The following MYLK variants were observed in gnomAD, a reference collection of about 807,000 sequenced individuals.
MYLK encodes myosin light chain kinase, also known as myosin light chain kinase, smooth muscle.
A neutral mutation model predicts 203.4 loss-of-function variants in MYLK; 106 were observed. The ratio of observed to expected loss-of-function variants is 0.52; its 90% CI spans 0.45 to 0.61. The LOEUF is 0.61. Ranked by LOEUF, MYLK falls within the 20% of genes least tolerant of loss-of-function variation. The probability of loss-of-function intolerance (pLI) is 0.00; values close to 1 mark genes in which losing one functional copy is unlikely to be tolerated. For synonymous variants in MYLK, 867 were observed against 959.5 expected (o/e 0.90, Z 1.78); for missense variants, 2,072 against 2,442.3 (o/e 0.85, Z 3.20).
Position 123,700,998 on chromosome 3 carries a change from C to A in MYLK, c.2470G>T (p.Glu824Ter). 4.4e-6 allele frequency: 7 copies of A among 1,604,396 alleles called. No individual in the cohort carries two copies. The highest frequency in any genetic ancestry group is 5.9e-6 in the Non-Finnish European group (7 of 1,179,938). ...CAGAGGTCCTCGCAGCTGGCAGGCTCCCTCCCCCTGCAACCAGTGTAGGGA... is the reference window on the plus strand; with the variant it reads ...CAGAGGTCCTCGCAGCTGGCAGGCTACCTCCCCCTGCAACCAGTGTAGGGA... Reference protein sequence around the residue: ...SSARALPRGREPASCEDLCGG... With the variant: ...SSARALPRGR Residue 824 changes from glutamate (E) to a stop codon, truncating the protein, a stop_gained, in exon 18 of 34, where the codon GAG (glutamate) becomes TAG (stop). Coordinates refer to ENST00000360304, the MANE Select transcript of MYLK (RefSeq NM_053025.4). LOFTEE classifies it high-confidence loss of function.
At chr3:123,770,362 T>G (rs529510006) in intron 4 of MYLK, among the ~76,000 whole-genome samples, 6 of 152,202 alleles carry the variant, frequency 3.9e-5, no homozygotes, top group African/African-American at 1.4e-4. Context: ...CAAGATATAT[T>G]AGGAGAGAAT....
chr3:123,617,771 C>A (rs1280867461), intron 33 of MYLK: 1 of 152,204 alleles, frequency 6.6e-6, no homozygotes, highest in Non-Finnish European at 1.5e-5. Flanking sequence ...CTTATCTTGT[C>A]CCTTCTCTTT....
intron 20 of MYLK, among the ~76,000 whole-genome samples, chr3:123,675,841 G>T (rs1209690104): frequency 6.6e-6 from 1 of 152,080 alleles, no homozygotes; most frequent in Non-Finnish European, 1.5e-5. Context: ...ACTGGCCCTG[G>T]GTGACCTGAC....
rs930347384 is a variant in MYLK, at chr3:123,778,645, G to A, written c.165+15032C>T. Among the ~76,000 whole-genome samples, 9 of 152,178 alleles carry A rather than the reference G, an allele frequency of 5.9e-5. No individual in the cohort carries two copies. The East Asian group carries it at 9.7e-4, about 16-fold the overall frequency. On this transcript the variant is annotated intron_variant, in intron 4 of 33. Coordinates refer to ENST00000360304, the MANE Select transcript of MYLK (RefSeq NM_053025.4). ...CCTCAGAAGTAAAATCAGGCAAGAC[G>A]CAGAAGCCCAGTCACCCCTTCCTCC...
intron 5 of MYLK, among the ~76,000 whole-genome samples, chr3:123,749,441 G>C (rs368434904): frequency 1.3e-5 from 2 of 152,186 alleles, no homozygotes; most frequent in East Asian, 3.8e-4. Flanking sequence ...GCAAGTGTCA[G>C]AGCTGTCTTC....
chr3:123,632,962 A>C (rs1222580925), intron 29 of MYLK, among the ~76,000 whole-genome samples: 3 of 151,370 alleles, frequency 2.0e-5, no homozygotes, highest in African/African-American at 7.3e-5. Context: ...CACCTGGCTA[A>C]TTTTTTGTAT....
chr3:123,623,036 G>A (rs2057955307), intron 31 of MYLK: 1 of 152,236 alleles, frequency 6.6e-6, no homozygotes, highest in Admixed American at 6.5e-5. Context: ...CAGCCATCCT[G>A]GCTTGCCCAG....
At chr3:123,637,952 G>A (rs573560865) in intron 29 of MYLK, 119 bp downstream of exon 29, 4 of 1,478,792 alleles carry the variant, frequency 2.7e-6, no homozygotes, top group Admixed American at 1.8e-5. Flanking sequence ...CTGACTCTGG[G>A]GGGGGCTCCC....
rs553126211 is a variant in MYLK at position 123,712,167 on chromosome 3, C to T, written c.1805-2274G>A. 5.9e-5 allele frequency among the ~76,000 whole-genome samples: 9 copies of T among 152,284 alleles called. No homozygotes were observed. In the East Asian group the frequency reaches 7.7e-4, roughly 13 times the overall value. On this transcript the variant is annotated intron_variant, in intron 13 of 33. Coordinates refer to ENST00000360304, the MANE Select transcript of MYLK (RefSeq NM_053025.4). ...AGCACCGCAGCCTTCGATGGAGGGCCGCCAGGGGCCTTGGCAGAAGCTCTG... is the reference window on the plus strand; with the variant it reads ...AGCACCGCAGCCTTCGATGGAGGGCTGCCAGGGGCCTTGGCAGAAGCTCTG...
intron 11 of MYLK, among the ~76,000 whole-genome samples, chr3:123,727,368 T>C (rs772920095): frequency 3.3e-5 from 5 of 152,154 alleles, no homozygotes; most frequent in Non-Finnish European, 7.4e-5. Flanking sequence ...CTTTGGGAGT[T>C]ATCAAAAAAG....
rs2108198463 is a variant in MYLK, at chr3:123,649,078, G to A, written c.4322-14C>T. 3.1e-6 allele frequency: 5 copies of A among 1,614,026 alleles called. No homozygotes were observed. Among genetic ancestry groups the A allele is most frequent in the Non-Finnish European group, 3.4e-6 (4 of 1,179,912 alleles). On this transcript the variant is annotated splice_polypyrimidine_tract_variant and intron_variant, in intron 25 of 33. Coordinates refer to ENST00000360304, the MANE Select transcript of MYLK (RefSeq NM_053025.4). Reference sequence around the variant, plus strand: ...GCTCCTTCTCATCTGTGGGGCACAGGTCAGGGTTGGTGTGAGTCTCAGATG... The same window carrying A: ...GCTCCTTCTCATCTGTGGGGCACAGATCAGGGTTGGTGTGAGTCTCAGATG...
intron 1 of MYLK, among the ~76,000 whole-genome samples, chr3:123,878,253 TAG>T (rs1274040278): frequency 6.6e-6 from 1 of 152,138 alleles, no homozygotes; most frequent in Non-Finnish European, 1.5e-5. Context: ...ATCAGATGAG[TAG>T]AGAAGGGCTT....
chr3:123,748,170 C>T (rs190592690), intron 5 of MYLK, among the ~76,000 whole-genome samples: 24 of 152,164 alleles, frequency 1.6e-4, no homozygotes, highest in Non-Finnish European at 3.2e-4. Flanking sequence ...TGTCAGATGA[C>T]GAGAGGGAGA....
chr3:123,640,890 T>C lies in MYLK; in HGVS notation c.4620-386A>G, dbSNP rs1346370663. 2.0e-5 allele frequency among the ~76,000 whole-genome samples: 3 copies of C among 152,252 alleles called. No individual in the cohort carries two copies. The highest frequency in any genetic ancestry group is 4.4e-5 in the Non-Finnish European group (3 of 68,042). On this transcript the variant is annotated intron_variant, in intron 27 of 33. Coordinates refer to ENST00000360304, the MANE Select transcript of MYLK (RefSeq NM_053025.4). The surrounding 1 kb of genome is among the most constrained non-coding windows in gnomAD (Gnocchi z 4.3). ...ATTCTTGTACTCTAGCCGTGTCTTT[T>C]AGTCACAGGGAACTCAAGTTCAAAA...
chr3:123,694,946 TG>T (rs775884308), intron 18 of MYLK, among the ~76,000 whole-genome samples: 35 of 152,102 alleles, frequency 2.3e-4, no homozygotes, highest in African/African-American at 8.4e-4. Flanking sequence ...CTCAGCCTGG[TG>T]GGGAATTCTG....
chr3:123,629,576 G>A lies in MYLK; in HGVS notation c.5012C>T (p.Ala1671Val), dbSNP rs767591736. 1.9e-6 allele frequency: 3 copies of A among 1,614,064 alleles called. No homozygotes were observed. The highest frequency in any genetic ancestry group is 2.5e-6 in the Non-Finnish European group (3 of 1,180,044). Reference protein sequence around the residue: ...FMGDNDNETLANVTSATWDFD... With the variant: ...FMGDNDNETLVNVTSATWDFD... ...GTCCCAGGTGGCTGAGGTAACGTTG[G>A]CCAAGGTTTCGTTATCGTTGTCTCC... is the stretch of plus-strand genomic sequence containing the variant. Residue 1671 changes from alanine to valine, a missense_variant, in exon 30 of 34, where the codon GCC (alanine) becomes GTC (valine). Ala to Val is a moderately conservative substitution (Grantham distance 64). Transcript: ENST00000360304. This position sits in a 1 kb window ranked among gnomAD's most constrained non-coding sequence, Gnocchi z 4.4.
In MYLK at chr3:123,700,594, G is replaced by A. The variant is rs758057786; in HGVS notation, c.2874C>T (p.Ala958=). Residue 958 remains alanine, a synonymous_variant, in exon 18 of 34, where the codon GCC becomes GCT. Transcript: ENST00000360304. The stretch of plus-strand genomic sequence containing the variant: ...CGGGGGTCTTGGAAGTCCCCTTCTT[G>A]GCCAGGACAGAGCGAAAATCGACCT... The part of the protein sequence containing the change: ...PQQVDFRSVL[A]KKGTSKTPVP... 3 of 1,613,596 alleles carry A rather than the reference G, an allele frequency of 1.9e-6. No individual in the cohort carries two copies. The highest frequency in any genetic ancestry group is 2.2e-5 in the South Asian group (2 of 91,072).
At position 123,684,424 on chromosome 3, in the gene MYLK, G is replaced by A. The variant is rs1576544476; in HGVS notation, c.3566-2114C>T. ...GGGATGAGGGTGCCATAAACCAGGG[G>A]CATGGAGTCAGTCTAAGCTTCCCTT... On this transcript the variant is annotated intron_variant, in intron 19 of 33. Coordinates refer to ENST00000360304, the MANE Select transcript of MYLK (RefSeq NM_053025.4). 3.3e-5 allele frequency among the ~76,000 whole-genome samples: 5 copies of A among 152,290 alleles called. No homozygotes were observed. The South Asian group carries it at 1.0e-3, about 32-fold the overall frequency.
chr3:123,681,269 G>C (rs1297217567), intron 20 of MYLK: 1 of 152,210 alleles, frequency 6.6e-6, no homozygotes, highest in East Asian at 1.9e-4. Flanking sequence ...TCCAAAAAGA[G>C]GGAGGTAGCT....
Sources: gnomAD v4.1 joint callset for allele counts (sites outside exome capture counted in the v4.1 genomes callset) on GRCh38, gnomAD v4.1.1 for gene constraint, Gnocchi (gnomAD v3.1) non-coding constraint, MANE v1.5 for transcripts, NCBI Gene and HGNC (gene_info 2026-07-23, HGNC 2026-07-21) for gene names.